The following KAT6A variants were observed in gnomAD, a reference collection of about 807,000 sequenced individuals.
KAT6A encodes the protein lysine acetyltransferase 6A, also known as histone acetyltransferase KAT6A.
KAT6A carries 9 observed loss-of-function variants against 198.4 expected under a neutral mutation model. The observed-to-expected ratio is 0.05, with a 90% confidence interval of 0.03 to 0.08. The LOEUF (loss-of-function observed/expected upper bound fraction) is 0.08. Ranked by LOEUF, KAT6A falls within the 10% of genes least tolerant of loss-of-function variation. KAT6A has a pLI of 1.00. For missense variants in KAT6A, 2,077 were observed against 2,509.9 expected, an observed-to-expected ratio of 0.83 and a Z score of 3.69; for synonymous variants, 890 against 883.0, an observed-to-expected ratio of 1.01 and a Z score of -0.14.
chr8:41,986,861 A>T (rs999950179), intron 3 of KAT6A, among the ~76,000 whole-genome samples: 6 of 152,102 alleles, frequency 3.9e-5, no homozygotes, highest in African/African-American at 1.2e-4. Flanking sequence ...AATATGGTGA[A>T]ACCTTGTCTC....
intron 8 of KAT6A, chr8:41,957,977 G>A (rs1823008965): frequency 6.6e-6 from 1 of 152,334 alleles, no homozygotes; most frequent in South Asian, 2.1e-4. Flanking sequence ...CTGTCCACTG[G>A]AGCGCTCTCA....
At chr8:42,051,635 GGGGCCGGGCGGCGGCGCGCGGGCCGC>G (rs1487154815) in intron 1 of KAT6A, among the ~76,000 whole-genome samples, 2 of 145,332 alleles carry the variant, frequency 1.4e-5, no homozygotes, top group Admixed American at 6.8e-5. Context: ...CCGCGAGCGC[GGGGCCGGGCGGCGGCGCGCGGGCCGC>G]GGGCCGGGGC....
chr8:42,033,852 C>T (rs1827248115), intron 2 of KAT6A, among the ~76,000 whole-genome samples: 1 of 151,848 alleles, frequency 6.6e-6, no homozygotes, highest in African/African-American at 2.4e-5. Flanking sequence ...TAAAAATAAA[C>T]AAAACAATCA....
intron 2 of KAT6A, among the ~76,000 whole-genome samples, chr8:41,987,871 A>G (rs1564045207): frequency 2.0e-5 from 3 of 152,356 alleles, no homozygotes. Context: ...GAAAAATTCA[A>G]CTGGAATAAG....
At chr8:41,987,288 G>A (rs1308239603) in intron 3 of KAT6A, among the ~76,000 whole-genome samples, 167 bp downstream of exon 3, 2 of 152,178 alleles carry the variant, frequency 1.3e-5, no homozygotes, top group South Asian at 2.1e-4. Context: ...ATGTTCACAC[G>A]ATGATGAAAC....
chr8:41,955,206 TA>T, intron 9 of KAT6A, 89 bp downstream of exon 9: 1 of 811,394 alleles, frequency 1.2e-6, no homozygotes. Context: ...ATGTAAAGGA[TA>T]AGGTGGACTC....
chr8:42,024,032 TGA>T (rs1323295457), intron 2 of KAT6A, among the ~76,000 whole-genome samples: 1 of 152,158 alleles, frequency 6.6e-6, no homozygotes, highest in Non-Finnish European at 1.5e-5. Context: ...GAATACTTCC[TGA>T]GGGACCTGTC....
chr8:41,932,331 A>G lies in KAT6A; in HGVS notation c.5889T>C (p.Tyr1963=), dbSNP rs1312458158. The part of the protein sequence containing the change: ...MQMGMMGSQA[Y]TQQPMQPNPH... ...GGTTAGGCTGCATAGGCTGCTGGGT[A>G]TAGGCCTGGCTCCCCATCATTCCCA... Residue 1963 remains tyrosine (Y), a synonymous_variant, in exon 17 of 17, where the codon TAT becomes TAC. Transcript: ENST00000265713. 1.2e-6 allele frequency: 2 copies of G among 1,614,090 alleles called. No individual in the cohort carries two copies. The highest frequency in any genetic ancestry group is 4.5e-5 in the East Asian group (2 of 44,900).
Position 42,048,595 on chromosome 8 carries a change from T to C in KAT6A, c.383A>G (p.Gln128Arg), listed in dbSNP as rs780864794. 6.2e-7 allele frequency: 1 copy of C among 1,614,234 alleles called. No homozygotes were observed. Among genetic ancestry groups the C allele is most frequent in the Non-Finnish European group, 8.5e-7 (1 of 1,180,038 alleles). Reference protein sequence around the residue: ...LKSIERFLKGQKDVSALFGGS... With the variant: ...LKSIERFLKGRKDVSALFGGS... ...TCCGAATAATGCAGACACATCCTTCTGACCTTTCAAAAAACGTTCAATGCT... is the reference window on the plus strand; with the variant it reads ...TCCGAATAATGCAGACACATCCTTCCGACCTTTCAAAAAACGTTCAATGCT... The change falls in exon 2 of 17, where the codon CAG becomes CGG. Residue 128 changes from glutamine (Q) to arginine (R), a missense_variant. By Grantham distance (43) the Gln-to-Arg change is conservative. This residue lies in a region of KAT6A where 185 missense variants were observed against 185.7 expected (regional missense o/e 1.00). Transcript: ENST00000265713.
At chr8:42,050,955 ATTCCC>A in intron 1 of KAT6A, among the ~76,000 whole-genome samples, 1 of 152,152 alleles carries the variant, frequency 6.6e-6, no homozygotes, top group African/African-American at 2.4e-5. Context: ...TCCCGTCCCC[ATTCCC>A]CACCCCTAAA....
chr8:42,002,905 C>T (rs1395936777), intron 2 of KAT6A, among the ~76,000 whole-genome samples: 2 of 152,134 alleles, frequency 1.3e-5, no homozygotes, highest in Non-Finnish European at 1.5e-5. Flanking sequence ...AAGGTATGCA[C>T]ATTTCTAAGA....
intron 2 of KAT6A, among the ~76,000 whole-genome samples, chr8:42,027,970 ATTTT>A (rs764223833): frequency 6.6e-6 from 1 of 151,922 alleles, no homozygotes; most frequent in Non-Finnish European, 1.5e-5. Context: ...GTTGTAAGAA[ATTTT>A]TTTTATTTCA....
intron 8 of KAT6A, among the ~76,000 whole-genome samples, chr8:41,967,274 A>AAATT (rs544924028): frequency 1.2e-4 from 17 of 142,798 alleles, no homozygotes; most frequent in African/African-American, 3.9e-4. Context: ...TAAAAAAAAA[A>AAATT]ATTTATTTAT....
intron 2 of KAT6A, among the ~76,000 whole-genome samples, chr8:42,030,616 G>A (rs886838362): frequency 7.9e-5 from 12 of 151,556 alleles, no homozygotes; most frequent in Non-Finnish European, 1.3e-4. Flanking sequence ...CCAGGCTGGA[G>A]TGCAGTGGCG....
chr8:41,980,692 TC>T (rs1426444997), intron 5 of KAT6A, among the ~76,000 whole-genome samples, 153 bp downstream of exon 5: 1 of 152,042 alleles, frequency 6.6e-6, no homozygotes, highest in Non-Finnish European at 1.5e-5. Context: ...AGAAAGACTA[TC>T]CCCCCACCTT....
At position 41,933,349 on chromosome 8, in the gene KAT6A, A is replaced by C. The variant is rs1821665690; in HGVS notation, c.4871T>G (p.Val1624Gly). 2.5e-6 allele frequency: 4 copies of C among 1,583,672 alleles called. No individual in the cohort carries two copies. Among genetic ancestry groups the C allele is most frequent in the Non-Finnish European group, 3.4e-6 (4 of 1,167,498 alleles). Residue 1624 changes from valine (V) to glycine (G), a missense_variant, in exon 17 of 17, where the codon GTC (valine) becomes GGC (glycine). Physicochemically the swap from Val to Gly is moderately radical, Grantham distance 109. Coordinates refer to ENST00000265713, the MANE Select transcript of KAT6A (RefSeq NM_006766.5). This position sits in a 1 kb window ranked among gnomAD's most constrained non-coding sequence, Gnocchi z 6.2. ...SSCSMMQQSS[V>G]QPAANCSIKS... ...GATGCTGCAGTTGGCAGCAGGCTGG[A>C]CGCTGCTCTGCTGCATCATGCTGCA...
Position 41,993,476 on chromosome 8 carries a change from C to G in KAT6A, c.601-5913G>C, listed in dbSNP as rs151087843. 7.4e-4 allele frequency among the ~76,000 whole-genome samples: 113 copies of G among 152,292 alleles called. 1 individual carries two copies. In the East Asian group the frequency reaches 0.021, roughly 28 times the overall value. The stretch of plus-strand genomic sequence containing the variant: ...AAAAACAGTTTTCAGTCACACATGG[C>G]ATGCTCCCCACTGAAGATGCATATT... On this transcript the variant is annotated intron_variant, in intron 2 of 16. Coordinates refer to ENST00000265713, the MANE Select transcript of KAT6A (RefSeq NM_006766.5).
intron 8 of KAT6A, chr8:41,957,945 C>G (rs1340641758): frequency 6.6e-6 from 1 of 152,460 alleles, no homozygotes; most frequent in Non-Finnish European, 1.5e-5. Context: ...TCTGTAAACA[C>G]AGAGCTGCTG....
At chr8:41,955,023 TA>T (rs71239085) in intron 9 of KAT6A, among the ~76,000 whole-genome samples, 8 of 149,844 alleles carry the variant, frequency 5.3e-5, no homozygotes, top group South Asian at 2.1e-4. Context: ...AAATTTCTCT[TA>T]AAAAAAAAAT....
Sources: gnomAD v4.1 joint callset for allele counts (sites outside exome capture counted in the v4.1 genomes callset) on GRCh38, gnomAD v4.1.1 for gene constraint, gnomAD v4.1.1 regional missense constraint, Gnocchi (gnomAD v3.1) non-coding constraint, MANE v1.5 for transcripts, NCBI Gene and HGNC (gene_info 2026-07-23, HGNC 2026-07-21) for gene names.